Variants in CSMD1 observed in about 807,000 individuals in gnomAD.
The protein encoded by CSMD1 is CUB and sushi domain-containing protein 1.
CSMD1 carries 213 observed loss-of-function variants against 417.5 expected under a neutral mutation model. The observed-to-expected ratio is 0.51, with a 90% confidence interval of 0.46 to 0.57. The LOEUF is 0.57. Among genes scored for constraint, CSMD1 ranks in the 20% least tolerant of loss-of-function variants. CSMD1 has a pLI of 0.00. For synonymous variants in CSMD1, 2,862 were observed against 1,736.8 expected (o/e 1.65, Z -16.11); for missense variants, 6,923 against 4,529.7 (o/e 1.53, Z -15.17).
chr8:4,609,131 G>A (rs757220603), intron 2 of CSMD1, among the ~76,000 whole-genome samples: 4 of 152,220 alleles, frequency 2.6e-5, no homozygotes, highest in African/African-American at 9.6e-5. Context: ...CAGATGCGCT[G>A]GCTCATGCAT....
chr8:4,647,749 C>G (rs568369292), intron 1 of CSMD1, among the ~76,000 whole-genome samples: 1 of 152,294 alleles, frequency 6.6e-6, no homozygotes, highest in African/African-American at 2.4e-5. Flanking sequence ...TGATCTCATT[C>G]CTTTCTTATG....
chr8:4,676,986 TTATA>T (rs1166148768), intron 1 of CSMD1, among the ~76,000 whole-genome samples: 1 of 146,074 alleles, frequency 6.8e-6, no homozygotes, highest in African/African-American at 2.5e-5. Context: ...ATTATATATT[TTATA>T]TATATATAAA....
At chr8:4,420,639 C>T (rs1027971029) in intron 2 of CSMD1, among the ~76,000 whole-genome samples, 1 of 152,018 alleles carries the variant, frequency 6.6e-6, no homozygotes, top group African/African-American at 2.4e-5. Flanking sequence ...GGTCGTGAAA[C>T]AATCTGTGTT....
intron 11 of CSMD1, among the ~76,000 whole-genome samples, chr8:3,492,944 C>T (rs764911729): frequency 2.0e-5 from 3 of 152,006 alleles, no homozygotes; most frequent in African/African-American, 4.8e-5. Flanking sequence ...GCATCTGTAC[C>T]TCTTTAAAAA....
At chr8:4,954,180 C>G (rs569031225) in intron 1 of CSMD1, among the ~76,000 whole-genome samples, 14 of 152,144 alleles carry the variant, frequency 9.2e-5, no homozygotes, top group Admixed American at 4.6e-4. Flanking sequence ...TAGAAATAAA[C>G]AAACAGAAAA....
At chr8:4,912,376 CT>C (rs1805750471) in intron 1 of CSMD1, among the ~76,000 whole-genome samples, 3 of 136,414 alleles carry the variant, frequency 2.2e-5, no homozygotes, top group African/African-American at 8.1e-5. Flanking sequence ...TTTTTTTTTT[CT>C]TTTCACAGGA....
chr8:4,178,294 G>A (rs1443361043), intron 3 of CSMD1, among the ~76,000 whole-genome samples: 20 of 151,896 alleles, frequency 1.3e-4, no homozygotes, highest in Middle Eastern at 3.4e-3. Context: ...ATCAATAAAT[G>A]TAATCCAGCA....
chr8:3,091,524 C>T lies in CSMD1; in HGVS notation c.7277G>A (p.Arg2426His), dbSNP rs747357774. Reference protein sequence around the residue: ...HATSKKGFKIRYAAPYCSLTH... With the variant: ...HATSKKGFKIHYAAPYCSLTH... ...AAACCTCATTTACTTACCTGCATAG[C>T]GAATCTTGAATCCTTTCTTACTGGT... The change falls in exon 48 of 70, where the codon CGC (arginine) becomes CAC (histidine). Residue 2426 changes from arginine (R) to histidine (H), a missense_variant. Physicochemically the swap from Arg to His is conservative, Grantham distance 29 (BLOSUM62 0). Transcript: ENST00000635120. 3.5e-5 allele frequency: 56 copies of T among 1,601,800 alleles called. No individual in the cohort carries two copies. The highest frequency in any genetic ancestry group is 1.8e-4 in the Admixed American group (10 of 56,176).
chr8:4,146,307 C>G (rs1424126842), intron 3 of CSMD1, among the ~76,000 whole-genome samples: 1 of 150,960 alleles, frequency 6.6e-6, no homozygotes, highest in South Asian at 2.1e-4. Context: ...ATAGCCTCTG[C>G]TTGGTGTCTG....
At chr8:4,955,087 C>G (rs768153465) in intron 1 of CSMD1, among the ~76,000 whole-genome samples, 4 of 152,100 alleles carry the variant, frequency 2.6e-5, no homozygotes, top group Non-Finnish European at 5.9e-5. Flanking sequence ...CTGGAACAAT[C>G]GCTTCAGCAT....
chr8:3,311,781 TATCA>T lies in CSMD1; in HGVS notation c.3632-3282_3632-3279del, dbSNP rs76206030. ...TATGTTCTGATTGTACAGAAGCGTT[TATCA>T]ATCATAAGAGATTTTCTTCACTGGA... On this transcript the variant is annotated intron_variant, in intron 23 of 69. Coordinates refer to ENST00000635120, the MANE Select transcript of CSMD1 (RefSeq NM_033225.6). 4.6e-5 allele frequency among the ~76,000 whole-genome samples: 7 copies of T among 152,250 alleles called. No homozygotes were observed. In the South Asian group the frequency reaches 6.2e-4, roughly 14 times the overall value.
At chr8:3,337,422 G>A (rs143622888) in intron 23 of CSMD1, among the ~76,000 whole-genome samples, 1,698 of 152,278 alleles carry the variant, frequency 0.011, 27 homozygotes, top group African/African-American at 0.038. Context: ...TCAGCCACAA[G>A]GTTTATTCTA....
chr8:4,721,867 T>A lies in CSMD1; in HGVS notation c.86-84309A>T, dbSNP rs1809075877. On this transcript the variant is annotated intron_variant, in intron 1 of 69. Transcript: ENST00000635120. ...CTTTACAAAAGGAGATACTGTCATT[T>A]GTGAAAACATGGATGAAACTGAAGG... Among the ~76,000 whole-genome samples, 3 of 152,316 alleles carry A rather than the reference T, an allele frequency of 2.0e-5. No individual in the cohort carries two copies. The South Asian group carries it at 6.2e-4, about 32-fold the overall frequency.
At chr8:4,361,958 C>T (rs963952471) in intron 3 of CSMD1, among the ~76,000 whole-genome samples, 5 of 151,374 alleles carry the variant, frequency 3.3e-5, no homozygotes, top group Non-Finnish European at 5.9e-5. Flanking sequence ...CAGCAAGACT[C>T]CATCTCAAAA....
chr8:4,781,612 T>C (rs532431539), intron 1 of CSMD1, among the ~76,000 whole-genome samples: 8 of 152,350 alleles, frequency 5.3e-5, no homozygotes, highest in African/African-American at 1.7e-4. Context: ...TTGTCTATTG[T>C]TGTACTTTCT....
intron 18 of CSMD1, chr8:3,373,367 T>C (rs1467475622): frequency 1.3e-5 from 2 of 152,328 alleles, no homozygotes; most frequent in Non-Finnish European, 2.9e-5. Context: ...GACAGAAAGT[T>C]AGAGATAAAG....
chr8:4,503,742 T>C (rs1802378953), intron 2 of CSMD1, among the ~76,000 whole-genome samples: 2 of 151,984 alleles, frequency 1.3e-5, no homozygotes, highest in Admixed American at 1.3e-4. Context: ...ATGGGGAGAT[T>C]CGGGAAGCTG....
chr8:3,466,007 T>C (rs113247156), intron 12 of CSMD1, among the ~76,000 whole-genome samples: 2,974 of 152,270 alleles, frequency 0.02, 115 homozygotes, highest in African/African-American at 0.067. Flanking sequence ...CAGTTGGGTT[T>C]ACATGTCTTA....
Position 3,307,739 on chromosome 8 carries a change from G to A in CSMD1, c.3906C>T (p.Leu1302=). ...PGYPAPYDNN[L]HCTWIIEADP... ...CTGCCTCTATAATCCAGGTGCAGTG[G>A]AGGTTGTTGTCATACGGAGCTGGAT... Residue 1302 remains leucine, a synonymous_variant, in exon 25 of 70, where the codon CTC becomes CTT. Transcript: ENST00000635120. 1 of 1,613,752 alleles carries A rather than the reference G, an allele frequency of 6.2e-7. No homozygotes were observed. The highest frequency in any genetic ancestry group is 8.5e-7 in the Non-Finnish European group (1 of 1,179,718).
Sources: allele counts gnomAD v4.1 joint callset (sites outside exome capture counted in the v4.1 genomes callset), GRCh38; gene constraint gnomAD v4.1.1; transcripts MANE v1.5; gene names NCBI Gene and HGNC (gene_info 2026-07-23, HGNC 2026-07-21).